Variants in CTNNA2 observed in about 807,000 individuals in gnomAD.
CTNNA2 encodes catenin alpha-2.
CTNNA2 carries 42 observed loss-of-function variants against 101.0 expected under a neutral mutation model. The observed-to-expected ratio is 0.42, with a 90% CI of 0.32 to 0.54. The LOEUF (loss-of-function observed/expected upper bound fraction) is 0.54. Among genes scored for constraint, CTNNA2 ranks in the 20% least tolerant of loss-of-function variants. The pLI is 0.14. For missense variants in CTNNA2, 871 were observed against 1,223.1 expected, an observed-to-expected ratio of 0.71 and a Z score of 4.29; for synonymous variants, 450 against 456.4, an observed-to-expected ratio of 0.99 and a Z score of 0.18.
At chr2:79,240,135 C>A (rs1284419289) in intron 2 of CTNNA2, among the ~76,000 whole-genome samples, 1 of 151,742 alleles carries the variant, frequency 6.6e-6, no homozygotes, top group Admixed American at 6.6e-5. Flanking sequence ...CTCGAACTCC[C>A]AGCCTCAAGT....
chr2:79,190,925 A>T (rs1572971073), intron 1 of CTNNA2, among the ~76,000 whole-genome samples: 1 of 152,038 alleles, frequency 6.6e-6, no homozygotes, highest in Admixed American at 6.5e-5. Context: ...CCATCTTCTC[A>T]CTCTACCCAT....
intron 2 of CTNNA2, among the ~76,000 whole-genome samples, chr2:79,212,739 C>G (rs191736553): frequency 6.6e-6 from 1 of 152,158 alleles, no homozygotes; most frequent in Non-Finnish European, 1.5e-5. Flanking sequence ...TCTACCTATC[C>G]AGTGAAAGTG....
At chr2:80,179,521 C>T (rs996780485) in intron 7 of CTNNA2, among the ~76,000 whole-genome samples, 2 of 152,030 alleles carry the variant, frequency 1.3e-5, no homozygotes, top group Non-Finnish European at 2.9e-5. Context: ...CTACAGGCAC[C>T]CGCCACCACA....
intron 7 of CTNNA2, among the ~76,000 whole-genome samples, chr2:80,183,950 TAAC>T (rs1376935227): frequency 3.3e-5 from 5 of 151,892 alleles, no homozygotes; most frequent in African/African-American, 1.2e-4. Flanking sequence ...TCTTAAATCA[TAAC>T]AAGTCATCAA....
intron 9 of CTNNA2, among the ~76,000 whole-genome samples, chr2:80,422,655 C>G (rs1231889483): frequency 6.6e-6 from 1 of 152,122 alleles, no homozygotes; most frequent in African/African-American, 2.4e-5. Context: ...CTATGAATAA[C>G]TATAGAATTG....
At chr2:79,777,030 G>A (rs1020186401) in intron 3 of CTNNA2, 4 of 152,286 alleles carry the variant, frequency 2.6e-5, no homozygotes, top group South Asian at 2.1e-4. Context: ...CTCCAGCTGC[G>A]GTTAAACATG....
chr2:79,381,245 A>G (rs1215671011), intron 4 of CTNNA2, among the ~76,000 whole-genome samples: 3 of 152,174 alleles, frequency 2.0e-5, no homozygotes, highest in Non-Finnish European at 4.4e-5. Flanking sequence ...CTTAATTTAC[A>G]GTTGAAGAAA....
intron 2 of CTNNA2, among the ~76,000 whole-genome samples, chr2:79,713,614 T>A (rs1283818619): frequency 6.6e-6 from 1 of 152,146 alleles, no homozygotes; most frequent in Non-Finnish European, 1.5e-5. Context: ...CCCACAGCCT[T>A]TGTTGCTAGT....
intron 8 of CTNNA2, among the ~76,000 whole-genome samples, chr2:80,406,175 G>A (rs1354621363): frequency 6.6e-6 from 1 of 152,130 alleles, no homozygotes; most frequent in Admixed American, 6.5e-5. Flanking sequence ...GGCCAACAGG[G>A]TGAAACCCCA....
At chr2:79,248,722 C>T (rs189662090) in intron 2 of CTNNA2, among the ~76,000 whole-genome samples, 240 of 152,248 alleles carry the variant, frequency 1.6e-3, no homozygotes, top group Admixed American at 3.5e-3. Context: ...TCCTTTTGTC[C>T]CCCATCAACC....
intron 7 of CTNNA2, among the ~76,000 whole-genome samples, chr2:80,245,859 A>G (rs1350551796): frequency 3.3e-5 from 4 of 120,800 alleles, no homozygotes; most frequent in Admixed American, 2.3e-4. Context: ...CAGTGGCTCA[A>G]TCTCGGCTCA....
chr2:80,485,115 G>T (rs1254825251), intron 9 of CTNNA2, among the ~76,000 whole-genome samples: 3 of 152,140 alleles, frequency 2.0e-5, no homozygotes, highest in Admixed American at 6.6e-5. Context: ...TGTGTTGTTT[G>T]TGGGTGTTTT....
chr2:79,948,698 G>T (rs1292165537), intron 7 of CTNNA2, among the ~76,000 whole-genome samples: 1 of 152,178 alleles, frequency 6.6e-6, no homozygotes, highest in East Asian at 1.9e-4. Context: ...GCTGGGTGCG[G>T]TGGCTCACGC....
At chr2:80,487,855 G>A (rs1304723070) in intron 9 of CTNNA2, among the ~76,000 whole-genome samples, 13 of 152,148 alleles carry the variant, frequency 8.5e-5, no homozygotes, top group Non-Finnish European at 5.9e-5. Flanking sequence ...CCCTAGAGTG[G>A]TTCCCTGTAT....
chr2:80,006,006 G>A (rs532098905), intron 7 of CTNNA2, among the ~76,000 whole-genome samples: 1 of 152,100 alleles, frequency 6.6e-6, no homozygotes, highest in South Asian at 2.1e-4. Flanking sequence ...TAAAGAATAA[G>A]TTTCCATAAT....
chr2:79,949,099 A>G (rs1688704110), intron 7 of CTNNA2, among the ~76,000 whole-genome samples: 1 of 152,254 alleles, frequency 6.6e-6, no homozygotes, highest in South Asian at 2.1e-4. Flanking sequence ...TCTGAACAAG[A>G]AAGATATTAT....
chr2:79,616,072 G>T (rs1233108042), intron 1 of CTNNA2, among the ~76,000 whole-genome samples: 1 of 152,144 alleles, frequency 6.6e-6, no homozygotes, highest in Non-Finnish European at 1.5e-5. Context: ...TTAAGAAGTT[G>T]CAGGAGAGAT....
intron 18 of CTNNA2, among the ~76,000 whole-genome samples, chr2:80,624,893 A>T (rs1046438964): frequency 6.6e-6 from 1 of 151,910 alleles, no homozygotes; most frequent in African/African-American, 2.4e-5. Context: ...AGTTAATTTT[A>T]GTTCTTACAG....
intron 3 of CTNNA2, among the ~76,000 whole-genome samples, chr2:79,755,238 G>A (rs1364193360): frequency 6.6e-6 from 1 of 152,210 alleles, no homozygotes; most frequent in Non-Finnish European, 1.5e-5. Context: ...GACTGAGGCA[G>A]GAGGATAGCT....
Sources: allele counts gnomAD v4.1 joint callset (sites outside exome capture counted in the v4.1 genomes callset), GRCh38; gene constraint gnomAD v4.1.1; transcripts MANE v1.5; gene names NCBI Gene and HGNC (gene_info 2026-07-23, HGNC 2026-07-21).